The following GRIK2 variants were observed in gnomAD, a reference collection of about 807,000 sequenced individuals.
GRIK2 encodes glutamate receptor ionotropic, kainate 2.
GRIK2 carries 32 observed loss-of-function variants against 100.3 expected under a neutral mutation model. The ratio of observed to expected loss-of-function variants is 0.32; its 90% CI spans 0.24 to 0.43. GRIK2 has a LOEUF of 0.43. GRIK2 is among the 20% of genes least tolerant of loss of function. GRIK2 has a pLI of 1.00. For missense variants in GRIK2, 843 were observed against 1,114.9 expected (o/e 0.76, Z 3.47); for synonymous variants, 417 against 389.4 (o/e 1.07, Z -0.83).
chr6:101,897,726 TAAAG>T (rs1305567556), intron 12 of GRIK2, among the ~76,000 whole-genome samples: 4 of 151,862 alleles, frequency 2.6e-5, no homozygotes, highest in Admixed American at 6.6e-5. Flanking sequence ...AATGAAGAAA[TAAAG>T]AATTGTTTAC....
chr6:101,662,137 G>A (rs1023925577), intron 4 of GRIK2, among the ~76,000 whole-genome samples: 8 of 152,126 alleles, frequency 5.3e-5, no homozygotes, highest in African/African-American at 1.4e-4. Context: ...AAACAGCTGG[G>A]CCAATTATAT....
intron 2 of GRIK2, among the ~76,000 whole-genome samples, chr6:101,430,081 A>G (rs1769291752): frequency 6.6e-6 from 1 of 152,134 alleles, no homozygotes; most frequent in Admixed American, 6.5e-5. Flanking sequence ...ACCTGCACAG[A>G]TCGACAGACT....
At position 101,873,266 on chromosome 6, in the gene GRIK2, C is replaced by T. The variant is rs543730386; in HGVS notation, c.1524+13773C>T. ...CCCCCTCCCCCCACCCCACAATAAG[C>T]CCCAGTGTGTGATGTTCCCCTTCCT... is the stretch of plus-strand genomic sequence containing the variant. On this transcript the variant is annotated intron_variant, in intron 11 of 16. Coordinates refer to ENST00000369134, the MANE Select transcript of GRIK2 (RefSeq NM_021956.5). Among the ~76,000 whole-genome samples, 3 of 116,064 alleles carry T rather than the reference C, an allele frequency of 2.6e-5. No individual in the cohort carries two copies. In the East Asian group the frequency reaches 9.4e-4, roughly 36 times the overall value. The allele number at this position is 116,064 out of a possible 152,430, so 76.1% of individuals were successfully genotyped here.
intron 10 of GRIK2, among the ~76,000 whole-genome samples, chr6:101,825,740 A>G (rs1005063540): frequency 6.6e-6 from 1 of 152,086 alleles, no homozygotes; most frequent in Non-Finnish European, 1.5e-5. Context: ...GTTTTGTATA[A>G]AAGAATGAAT....
chr6:101,459,493 A>G (rs1015313454), intron 2 of GRIK2, among the ~76,000 whole-genome samples: 1 of 152,234 alleles, frequency 6.6e-6, no homozygotes, highest in Non-Finnish European at 1.5e-5. Context: ...AGTCATAGAC[A>G]GAAGCTACGC....
intron 2 of GRIK2, among the ~76,000 whole-genome samples, chr6:101,509,468 T>C (rs1774194113): frequency 6.6e-6 from 1 of 152,190 alleles, no homozygotes; most frequent in African/African-American, 2.4e-5. Flanking sequence ...AGCTCTCCAA[T>C]TCAACTCATA....
At chr6:101,709,346 T>C (rs980879341) in intron 7 of GRIK2, among the ~76,000 whole-genome samples, 2 of 151,854 alleles carry the variant, frequency 1.3e-5, no homozygotes, top group African/African-American at 4.8e-5. Context: ...TGTAGTAATT[T>C]GTTAAGGCAG....
Position 101,451,702 on chromosome 6 carries a change from G to GC in GRIK2, c.115+52310_115+52311insC, listed in dbSNP as rs200482371. 9.8e-4 allele frequency among the ~76,000 whole-genome samples: 148 copies of GC among 150,398 alleles called. 5 individuals carry two copies. In the East Asian group the frequency reaches 0.027, roughly 27 times the overall value. ...GCCCATTATTTATCTCTGAGGGGGG[G>GC]GGGGGTGCCAAATACCTCCCACTTT... On this transcript the variant is annotated intron_variant, in intron 2 of 16. Transcript: ENST00000369134.
chr6:101,508,207 A>G (rs9399722), intron 2 of GRIK2, among the ~76,000 whole-genome samples: 38,042 of 151,864 alleles, frequency 0.25, 5,905 homozygotes, highest in East Asian at 0.48. Flanking sequence ...AAAGTTTATA[A>G]GAGAAAAATA....
chr6:101,711,393 A>G (rs1368904542), intron 7 of GRIK2, among the ~76,000 whole-genome samples: 1 of 151,804 alleles, frequency 6.6e-6, no homozygotes, highest in Non-Finnish European at 1.5e-5. Context: ...AATTTGAGAT[A>G]CAAAAATTCA....
chr6:102,050,338 G>T (rs13212100), intron 15 of GRIK2, among the ~76,000 whole-genome samples: 5 of 151,560 alleles, frequency 3.3e-5, no homozygotes, highest in Non-Finnish European at 5.9e-5. Context: ...GTGGAAGTTA[G>T]GGAAGGAAGG....
chr6:101,851,813 T>C (rs1282485099), intron 10 of GRIK2, among the ~76,000 whole-genome samples: 1 of 151,854 alleles, frequency 6.6e-6, no homozygotes, highest in Non-Finnish European at 1.5e-5. Context: ...TGTTTAATTA[T>C]GTAATGAACT....
intron 2 of GRIK2, among the ~76,000 whole-genome samples, chr6:101,563,548 C>T (rs1489485855): frequency 1.3e-5 from 2 of 152,026 alleles, no homozygotes; most frequent in African/African-American, 2.4e-5. Context: ...TTTGCAAATG[C>T]TTTTACCCCT....
intron 14 of GRIK2, among the ~76,000 whole-genome samples, chr6:101,938,392 C>T (rs753092056): frequency 2.6e-5 from 4 of 151,962 alleles, no homozygotes; most frequent in Non-Finnish European, 5.9e-5. Flanking sequence ...AGGAAAAGGA[C>T]AAAATAAATT....
intron 2 of GRIK2, among the ~76,000 whole-genome samples, chr6:101,419,992 G>A (rs371694810): frequency 2.0e-5 from 3 of 152,282 alleles, no homozygotes; most frequent in East Asian, 3.9e-4. Context: ...AGAATATGCT[G>A]TATTCTAACC....
intron 11 of GRIK2, among the ~76,000 whole-genome samples, chr6:101,861,403 G>A (rs1784726082): frequency 6.6e-6 from 1 of 152,180 alleles, no homozygotes; most frequent in Non-Finnish European, 1.5e-5. Context: ...CATAGTCAGT[G>A]AGATCAGTAT....
intron 2 of GRIK2, among the ~76,000 whole-genome samples, chr6:101,591,575 A>T (rs1455441873): frequency 6.6e-6 from 1 of 151,960 alleles, no homozygotes; most frequent in Non-Finnish European, 1.5e-5. Flanking sequence ...ATATTTAAAA[A>T]ATGTTTTAAG....
At chr6:101,975,689 G>A (rs574545334) in intron 14 of GRIK2, among the ~76,000 whole-genome samples, 2 of 151,902 alleles carry the variant, frequency 1.3e-5, no homozygotes, top group African/African-American at 2.4e-5. Flanking sequence ...AAGACCTAGT[G>A]TGCCAAAAAT....
intron 2 of GRIK2, among the ~76,000 whole-genome samples, chr6:101,503,486 A>G (rs192041245): frequency 6.6e-6 from 1 of 152,288 alleles, no homozygotes; most frequent in African/African-American, 2.4e-5. Flanking sequence ...CCCAGCTTCA[A>G]GTGATTAACC....
Sources: gnomAD v4.1 joint callset for allele counts (sites outside exome capture counted in the v4.1 genomes callset) on GRCh38, gnomAD v4.1.1 for gene constraint, MANE v1.5 for transcripts, NCBI Gene and HGNC (gene_info 2026-07-23, HGNC 2026-07-21) for gene names.